The following ZFHX3 variants were observed in gnomAD, a reference collection of about 807,000 sequenced individuals.
ZFHX3 encodes the protein zinc finger homeobox 3, also known as zinc finger homeobox protein 3.
ZFHX3 carries 42 observed loss-of-function variants against 279.1 expected under a neutral mutation model. The ratio of observed to expected loss-of-function variants is 0.15; its 90% CI spans 0.12 to 0.19. ZFHX3 has a LOEUF of 0.19. Among genes scored for constraint, ZFHX3 ranks in the 10% least tolerant of loss-of-function variants. The pLI is 1.00. For synonymous variants in ZFHX3, 2,293 were observed against 1,957.8 expected, an observed-to-expected ratio of 1.17 and a Z score of -4.52; for missense variants, 4,981 against 4,754.0, an observed-to-expected ratio of 1.05 and a Z score of -1.40.
chr16:72,871,279 G>T (rs1200661123), intron 4 of ZFHX3, among the ~76,000 whole-genome samples: 1 of 151,762 alleles, frequency 6.6e-6, no homozygotes, highest in Non-Finnish European at 1.5e-5. Flanking sequence ...AGGTTCAAGC[G>T]ATTCTCCTGC....
chr16:72,879,998 T>C (rs2038420695), intron 4 of ZFHX3, among the ~76,000 whole-genome samples: 1 of 152,044 alleles, frequency 6.6e-6, no homozygotes, highest in South Asian at 2.1e-4. Flanking sequence ...TCCTAACAAG[T>C]GTCTTTGAGC....
At chr16:72,924,263 C>T (rs894659895) in intron 3 of ZFHX3, among the ~76,000 whole-genome samples, 5 of 152,182 alleles carry the variant, frequency 3.3e-5, no homozygotes, top group African/African-American at 1.2e-4. Flanking sequence ...TTCCCTGCAA[C>T]CCAGCTCCCT....
At chr16:73,774,872 G>A (rs979614664) in intron 1 of ZFHX3, among the ~76,000 whole-genome samples, 1 of 152,134 alleles carries the variant, frequency 6.6e-6, no homozygotes. Context: ...TGCATGAATT[G>A]CTCCTAATCA....
At chr16:73,390,702 C>T (rs1372605870) in intron 3 of ZFHX3, among the ~76,000 whole-genome samples, 1 of 152,248 alleles carries the variant, frequency 6.6e-6, no homozygotes, top group East Asian at 1.9e-4. Context: ...AACAAAGGAA[C>T]AGCCAGCATT....
At chr16:73,675,511 A>C (rs984232566) in intron 2 of ZFHX3, among the ~76,000 whole-genome samples, 6 of 152,112 alleles carry the variant, frequency 3.9e-5, no homozygotes, top group African/African-American at 1.4e-4. Flanking sequence ...TATATACCCC[A>C]GTAAAGTGCT....
chr16:73,095,341 T>C (rs76423959), intron 7 of ZFHX3, among the ~76,000 whole-genome samples: 2,966 of 152,258 alleles, frequency 0.019, 48 homozygotes, highest in Middle Eastern at 0.051. Flanking sequence ...CCAGCCCCCA[T>C]CTTAGCTACT....
At chr16:73,803,147 A>G (rs1960185852) in intron 1 of ZFHX3, among the ~76,000 whole-genome samples, 1 of 152,252 alleles carries the variant, frequency 6.6e-6, no homozygotes, top group Non-Finnish European at 1.5e-5. Flanking sequence ...CCAATAAGAA[A>G]GAAGACAACT....
Position 72,788,207 on chromosome 16 carries a change from G to C in ZFHX3, c.10069C>G (p.Pro3357Ala), listed in dbSNP as rs763990814. 6.2e-7 allele frequency: 1 copy of C among 1,612,758 alleles called. No individual in the cohort carries two copies. Among genetic ancestry groups the C allele is most frequent in the African/African-American group, 1.3e-5 (1 of 74,910 alleles). ...TGGTACTGCTGCAGTAGGGAGCCTGGGGACAGCCCCATCAGGGCCTGCGAC... is the reference window on the plus strand; with the variant it reads ...TGGTACTGCTGCAGTAGGGAGCCTGCGGACAGCCCCATCAGGGCCTGCGAC... ...ALSQALMGLS[P>A]GSLLQQYQQY... The change falls in exon 10 of 10, where the codon CCA becomes GCA. Residue 3357 changes from proline (P) to alanine (A), a missense_variant. Coordinates refer to ENST00000268489, the MANE Select transcript of ZFHX3 (RefSeq NM_006885.4).
rs117548227 is a variant in ZFHX3, at chr16:73,354,844, C to T, written c.-1290-36508G>A. 5.5e-4 allele frequency among the ~76,000 whole-genome samples: 84 copies of T among 152,332 alleles called. No homozygotes were observed. In the East Asian group the frequency reaches 0.015, roughly 28 times the overall value. ...GGCATCAGCCCCAAGATTCCCTCCT[C>T]TTGCCTGGTGAATCGGTCTTCATTT... On this transcript the variant is annotated intron_variant, in intron 3 of 17. Transcript: ENST00000641206.
At chr16:73,628,518 G>A (rs992714735) in intron 2 of ZFHX3, among the ~76,000 whole-genome samples, 7 of 152,126 alleles carry the variant, frequency 4.6e-5, no homozygotes, top group African/African-American at 1.7e-4. Flanking sequence ...CTGAGAAGTT[G>A]AATTTTCTCA....
At chr16:73,480,879 G>A (rs1198920743) in intron 2 of ZFHX3, among the ~76,000 whole-genome samples, 1 of 152,112 alleles carries the variant, frequency 6.6e-6, no homozygotes, top group Non-Finnish European at 1.5e-5. Context: ...TGCCCTCAGG[G>A]TATCAAGTTT....
intron 3 of ZFHX3, among the ~76,000 whole-genome samples, chr16:72,948,314 G>A (rs1020592492): frequency 2.6e-5 from 4 of 152,122 alleles, no homozygotes; most frequent in Admixed American, 6.5e-5. Context: ...CTGGGTCCAC[G>A]TTCTACCCTG....
intron 3 of ZFHX3, chr16:73,386,775 T>C (rs1405034501): frequency 1.3e-5 from 2 of 149,134 alleles, no homozygotes; most frequent in Admixed American, 1.3e-4. Flanking sequence ...ATTCTAGAGA[T>C]TGGAGGAGTT....
chr16:73,411,816 C>T (rs186894558), intron 3 of ZFHX3, among the ~76,000 whole-genome samples: 3 of 152,228 alleles, frequency 2.0e-5, no homozygotes, highest in East Asian at 1.9e-4. Context: ...CATCCTTACT[C>T]CTGTTGTGTT....
intron 2 of ZFHX3, among the ~76,000 whole-genome samples, chr16:73,465,792 A>G (rs908412496): frequency 3.9e-5 from 6 of 152,132 alleles, no homozygotes; most frequent in Non-Finnish European, 8.8e-5. Context: ...CAAAATACAG[A>G]TCAGGTGGAT....
intron 5 of ZFHX3, among the ~76,000 whole-genome samples, chr16:72,825,854 G>A (rs558845937): frequency 2.1e-4 from 32 of 152,182 alleles, no homozygotes; most frequent in Non-Finnish European, 3.4e-4. Context: ...ACACTTTGCA[G>A]GCTCAATAGC....
chr16:73,734,229 G>A (rs1355826917), intron 1 of ZFHX3, among the ~76,000 whole-genome samples: 3 of 152,106 alleles, frequency 2.0e-5, no homozygotes, highest in African/African-American at 7.2e-5. Flanking sequence ...AATAGGCCAT[G>A]GACTATCACC....
intron 4 of ZFHX3, among the ~76,000 whole-genome samples, chr16:72,859,485 C>T (rs2037830619): frequency 6.6e-6 from 1 of 152,224 alleles, no homozygotes; most frequent in Non-Finnish European, 1.5e-5. Flanking sequence ...TGTTTAAAGT[C>T]TCTGGAAGTC....
intron 1 of ZFHX3, among the ~76,000 whole-genome samples, chr16:73,766,206 T>G (rs2053940100): frequency 6.6e-6 from 1 of 152,132 alleles, no homozygotes; most frequent in Admixed American, 6.6e-5. Context: ...TTTATAAAAT[T>G]AGCTAAAATA....
Sources: allele counts gnomAD v4.1 joint callset (sites outside exome capture counted in the v4.1 genomes callset), GRCh38; gene constraint gnomAD v4.1.1; transcripts MANE v1.5; gene names NCBI Gene and HGNC (gene_info 2026-07-23, HGNC 2026-07-21).